GUCY1B1: variants seen among roughly 807,000 people sequenced by gnomAD.
The protein encoded by GUCY1B1 is guanylate cyclase 1 soluble subunit beta 1, also known as guanylate cyclase soluble subunit beta-1.
Under a neutral mutation model 71.0 loss-of-function variants are expected in GUCY1B1, and 43 were observed. That is an observed-to-expected ratio of 0.61 (90% CI 0.47 to 0.78). GUCY1B1 has a LOEUF of 0.78. GUCY1B1 is among the 30% of genes least tolerant of loss of function. The probability of loss-of-function intolerance (pLI) is 0.00; values close to 1 mark genes in which losing one functional copy is unlikely to be tolerated. For synonymous variants in GUCY1B1, 266 were observed against 259.7 expected (o/e 1.02, Z -0.23); for missense variants, 535 against 754.1 (o/e 0.71, Z 3.40).
chr4:155,806,229 C>T (rs909853303), intron 13 of GUCY1B1, among the ~76,000 whole-genome samples, 157 bp from the exon 14 acceptor site: 46 of 152,104 alleles, frequency 3.0e-4, no homozygotes, highest in African/African-American at 8.0e-4. Flanking sequence ...CTTAGTCGTG[C>T]GGTCCTGTTT....
At chr4:155,759,444 C>A in intron 1 of GUCY1B1, 2 of 531,522 alleles carry the variant, frequency 3.8e-6, no homozygotes, top group Non-Finnish European at 6.6e-6. Flanking sequence ...CTGGCCGGCC[C>A]CACCAGTGTG....
Position 155,803,508 on chromosome 4 carries a change from G to A in GUCY1B1, c.1414-116G>A, listed in dbSNP as rs1042367741. Reference sequence around the variant, plus strand: ...TATTAGAATTTTAAGAGAATTAAAGGGGGAGGGAAGCTTAAAGTTGCTGGT... The same window carrying A: ...TATTAGAATTTTAAGAGAATTAAAGAGGGAGGGAAGCTTAAAGTTGCTGGT... On this transcript the variant is annotated intron_variant, in intron 10 of 13. Coordinates refer to ENST00000264424, the MANE Select transcript of GUCY1B1 (RefSeq NM_000857.5). 1.6e-5 allele frequency: 9 copies of A among 566,954 alleles called. No individual in the cohort carries two copies. In the East Asian group the frequency reaches 1.7e-4, roughly 11 times the overall value. 35.1% of individuals were successfully genotyped at this position (566,954 alleles called of 1,614,324 possible).
intron 2 of GUCY1B1, among the ~76,000 whole-genome samples, chr4:155,764,334 A>G (rs1737191634): frequency 6.6e-6 from 1 of 152,196 alleles, no homozygotes; most frequent in Non-Finnish European, 1.5e-5. Context: ...CTGCTACAAC[A>G]TCCATTTGAA....
chr4:155,804,889 T>A, intron 12 of GUCY1B1, 142 bp downstream of exon 12: 1 of 810,712 alleles, frequency 1.2e-6, no homozygotes. Flanking sequence ...GTTTACTTTT[T>A]ATTTGAGAAG....
intron 2 of GUCY1B1, among the ~76,000 whole-genome samples, chr4:155,765,683 T>C (rs1737285862): frequency 6.6e-6 from 1 of 152,232 alleles, no homozygotes; most frequent in Non-Finnish European, 1.5e-5. Context: ...TGAAATTCTT[T>C]GTGGTCAATC....
At position 155,799,691 on chromosome 4, in the gene GUCY1B1, G is replaced by A. The variant is rs184788571; in HGVS notation, c.978-186G>A. Among the ~76,000 whole-genome samples the A allele has an allele frequency of 1.1e-3, 167 of 152,236 alleles. 2 individuals are homozygous for A. The highest frequency in any genetic ancestry group is 3.8e-3 in the Admixed American group (58 of 15,288). On this transcript the variant is annotated intron_variant, in intron 8 of 13. Transcript: ENST00000264424. ...TGCATCTCAAGTTCACTGCTTTTTG[G>A]TAGATGCTTAAATATCTAAGAGAAT...
intron 2 of GUCY1B1, among the ~76,000 whole-genome samples, chr4:155,766,346 T>G (rs1186625252): frequency 6.6e-6 from 1 of 152,170 alleles, no homozygotes; most frequent in Non-Finnish European, 1.5e-5. Flanking sequence ...GGTGCACAAC[T>G]TCATGTTTTG....
At chr4:155,780,943 A>C (rs1480785698) in intron 4 of GUCY1B1, among the ~76,000 whole-genome samples, 1 of 152,180 alleles carries the variant, frequency 6.6e-6, no homozygotes, top group Non-Finnish European at 1.5e-5. Flanking sequence ...TAGCTACTGA[A>C]ATCATAACAT....
chr4:155,788,210 G>A (rs1462671672), intron 4 of GUCY1B1, among the ~76,000 whole-genome samples: 1 of 152,124 alleles, frequency 6.6e-6, no homozygotes, highest in African/African-American at 2.4e-5. Flanking sequence ...TTGGCTTTTG[G>A]GGATAATTGT....
chr4:155,805,266 C>A, intron 13 of GUCY1B1, 37 bp downstream of exon 13: 7 of 1,559,142 alleles, frequency 4.5e-6, no homozygotes, highest in Non-Finnish European at 6.1e-6. Context: ...GTACTTAAGA[C>A]AGAGTATAAG....
At position 155,759,060 on chromosome 4, in the gene GUCY1B1, T is replaced by TAGCCGCTGCC; in HGVS notation, c.-80_-71dup. On this transcript the variant is annotated 5_prime_UTR_variant, in exon 1 of 14. Coordinates refer to ENST00000264424, the MANE Select transcript of GUCY1B1 (RefSeq NM_000857.5). ...CTGCCTCCCCGGCCCGGTTGCGCTG[T>TAGCCGCTGCC]AGCCGCTGCCGCCTCTGCCTGGGTC... is the stretch of plus-strand genomic sequence containing the variant. The TAGCCGCTGCC allele has an allele frequency of 1.4e-6, 2 of 1,458,190 alleles. No homozygotes were observed. Among genetic ancestry groups the TAGCCGCTGCC allele is most frequent in the Non-Finnish European group, 1.9e-6 (2 of 1,063,928 alleles). The allele number at this position is 1,458,190 out of a possible 1,614,324, so 90.3% of individuals were successfully genotyped here. A position where few individuals can be genotyped will look rare whatever the true frequency, so the allele number is the denominator to read the frequency against.
chr4:155,785,158 G>T (rs1018804261), intron 4 of GUCY1B1: 5 of 522,396 alleles, frequency 9.6e-6, no homozygotes, highest in African/African-American at 4.0e-5. Context: ...AGAACATTAA[G>T]AAATGAAATT....
Position 155,802,563 on chromosome 4 carries a change from A to G in GUCY1B1, c.1397A>G (p.Asn466Ser), listed in dbSNP as rs775093222. The change falls in exon 10 of 14, where the codon AAC becomes AGC. Residue 466 changes from asparagine (N) to serine (S), a missense_variant. Physicochemically the swap from Asn to Ser is conservative, Grantham distance 46. Coordinates refer to ENST00000264424, the MANE Select transcript of GUCY1B1 (RefSeq NM_000857.5). The surrounding 1 kb of genome is among the most constrained non-coding windows in gnomAD (Gnocchi z 4.3). Reference protein sequence around the residue: ...RFDTLTDSRKNPFVYKVETVG... With the variant: ...RFDTLTDSRKSPFVYKVETVG... ...GACACACTGACTGATTCCCGGAAAA[A>G]CCCATTTGTTTATAAGGCAAGTGTT... 1.9e-6 allele frequency: 3 copies of G among 1,600,718 alleles called. No homozygotes were observed. Among genetic ancestry groups the G allele is most frequent in the Non-Finnish European group, 2.6e-6 (3 of 1,173,740 alleles).
chr4:155,785,231 A>G lies in GUCY1B1; in HGVS notation c.298-4483A>G, dbSNP rs1561017145. The stretch of plus-strand genomic sequence containing the variant: ...ATAGATGAATGGACCTACTCTCTAT[A>G]TTTTTCCTGTTTTTTGATTTTATGA... On this transcript the variant is annotated intron_variant, in intron 4 of 13. Coordinates refer to ENST00000264424, the MANE Select transcript of GUCY1B1 (RefSeq NM_000857.5). The G allele has an allele frequency of 3.2e-6, 3 of 934,138 alleles. No individual in the cohort carries two copies. In the African/African-American group the frequency reaches 5.0e-5, roughly 15 times the overall value. 57.9% of individuals were successfully genotyped at this position (934,138 alleles called of 1,614,324 possible).
intron 2 of GUCY1B1, among the ~76,000 whole-genome samples, chr4:155,771,841 T>A (rs1428273838): frequency 2.0e-5 from 3 of 152,154 alleles, no homozygotes; most frequent in East Asian, 3.8e-4. Context: ...TATGCAGCCA[T>A]GGTATAGAAG....
intron 8 of GUCY1B1, 82 bp downstream of exon 8, chr4:155,796,592 TA>T: frequency 2.3e-6 from 2 of 867,798 alleles, no homozygotes; most frequent in Non-Finnish European, 3.5e-6. Context: ...TTTATTCCAT[TA>T]AATTTACATA....
At chr4:155,797,585 A>G (rs1160052007) in intron 8 of GUCY1B1, among the ~76,000 whole-genome samples, 1 of 151,734 alleles carries the variant, frequency 6.6e-6, no homozygotes, top group Non-Finnish European at 1.5e-5. Flanking sequence ...TAAAAATACA[A>G]AAATTAGCCA....
intron 2 of GUCY1B1, among the ~76,000 whole-genome samples, chr4:155,772,291 G>T (rs1200334963): frequency 1.3e-5 from 2 of 152,080 alleles, no homozygotes; most frequent in African/African-American, 4.8e-5. Context: ...ATATTCACTG[G>T]GAATATGTAT....
intron 4 of GUCY1B1, among the ~76,000 whole-genome samples, chr4:155,778,875 A>T (rs948272863): frequency 6.6e-6 from 1 of 152,170 alleles, no homozygotes; most frequent in African/African-American, 2.4e-5. Context: ...AACTTATAGC[A>T]AAGTTTCAAC....
Sources: allele counts gnomAD v4.1 joint callset (sites outside exome capture counted in the v4.1 genomes callset), GRCh38; gene constraint gnomAD v4.1.1; non-coding constraint Gnocchi (gnomAD v3.1); transcripts MANE v1.5; gene names NCBI Gene and HGNC (gene_info 2026-07-23, HGNC 2026-07-21).